ANAPC7: variants seen among roughly 807,000 people sequenced by gnomAD.
The protein encoded by ANAPC7 is anaphase-promoting complex subunit 7.
ANAPC7 carries 25 observed loss-of-function variants against 63.3 expected under a neutral mutation model. The ratio of observed to expected loss-of-function variants is 0.39; its 90% confidence interval spans 0.29 to 0.55. The LOEUF (loss-of-function observed/expected upper bound fraction) is 0.55, where lower values mean the gene tolerates loss of function less well. ANAPC7 is among the 20% of genes least tolerant of loss of function. The pLI is 0.57. For synonymous variants in ANAPC7, 241 were observed against 251.7 expected (o/e 0.96, Z 0.40); for missense variants, 516 against 691.7 (o/e 0.75, Z 2.85).
chr12:110,401,381 G>C (rs1301689459), intron 1 of ANAPC7, among the ~76,000 whole-genome samples: 1 of 152,162 alleles, frequency 6.6e-6, no homozygotes, highest in East Asian at 1.9e-4. Flanking sequence ...AAGCATGTGA[G>C]TGCTTATTGC....
At chr12:110,387,710 G>T in intron 5 of ANAPC7, 29 bp downstream of exon 5, 2 of 1,585,654 alleles carry the variant, frequency 1.3e-6, no homozygotes, top group Non-Finnish European at 8.6e-7. Context: ...AGGGCCTCAA[G>T]AACACTGAAT....
At chr12:110,395,245 T>C (rs1270297374) in intron 2 of ANAPC7, 25 bp from the exon 3 acceptor site, 14 of 1,597,026 alleles carry the variant, frequency 8.8e-6, no homozygotes, top group African/African-American at 1.3e-5. Context: ...AAATATTTCT[T>C]TGAAACGTTA....
intron 3 of ANAPC7, among the ~76,000 whole-genome samples, chr12:110,392,409 G>T (rs1883176820): frequency 6.6e-6 from 1 of 152,138 alleles, no homozygotes; most frequent in Non-Finnish European, 1.5e-5. Flanking sequence ...TACTTTTAAA[G>T]TTCAGCAAGA....
At chr12:110,396,993 G>A (rs1215245572) in intron 1 of ANAPC7, among the ~76,000 whole-genome samples, 2 of 146,042 alleles carry the variant, frequency 1.4e-5, no homozygotes, top group Non-Finnish European at 1.5e-5. Context: ...CTCGAGGTCA[G>A]GAGATCGAGA....
At chr12:110,375,981 G>A in intron 10 of ANAPC7, 85 bp downstream of exon 10, 1 of 1,464,456 alleles carries the variant, frequency 6.8e-7, no homozygotes, top group Non-Finnish European at 9.1e-7. Flanking sequence ...CAAAGTGTGT[G>A]TGTGTTTCCA....
At chr12:110,388,127 C>T (rs1882776509) in intron 4 of ANAPC7, among the ~76,000 whole-genome samples, 1 of 152,190 alleles carries the variant, frequency 6.6e-6, no homozygotes, top group Non-Finnish European at 1.5e-5. Flanking sequence ...ACCTCTGCCT[C>T]CTGGGTTCAA....
intron 8 of ANAPC7, chr12:110,377,914 G>A: frequency 2.2e-6 from 2 of 889,702 alleles, no homozygotes; most frequent in Non-Finnish European, 3.0e-6. Flanking sequence ...CTGACCACTG[G>A]AAGAATAAAT....
rs771233453 is a variant in ANAPC7, at chr12:110,388,494, G to A, written c.520+18C>T. 3.2e-6 allele frequency: 5 copies of A among 1,573,968 alleles called. No individual in the cohort carries two copies. The highest frequency in any genetic ancestry group is 1.3e-5 in the African/African-American group (1 of 74,090). ...TGACAGTAAACATGCCATGAAAACA[G>A]GCAGGAAATATCTCTACCTAGAATG... is the stretch of plus-strand genomic sequence containing the variant. On this transcript the variant is annotated intron_variant, in intron 4 of 10. Coordinates refer to ENST00000455511, the MANE Select transcript of ANAPC7 (RefSeq NM_016238.3).
intron 10 of ANAPC7, 98 bp from the exon 11 acceptor site, chr12:110,374,431 G>C: frequency 8.1e-7 from 1 of 1,241,854 alleles, no homozygotes. Context: ...TGACCACACA[G>C]TCCCAAAAAA....
At chr12:110,375,438 GACAC>G in intron 10 of ANAPC7, 3 of 985,352 alleles carry the variant, frequency 3.0e-6, no homozygotes, top group Non-Finnish European at 3.6e-6. Context: ...TAACCTTACA[GACAC>G]ACAGACAACC....
chr12:110,391,952 C>T (rs1295182119), intron 3 of ANAPC7, among the ~76,000 whole-genome samples: 1 of 151,978 alleles, frequency 6.6e-6, no homozygotes, highest in African/African-American at 2.4e-5. Context: ...AGTAGCTGGG[C>T]GTGGTGGCAC....
chr12:110,373,919 T>C lies in ANAPC7; in HGVS notation c.*225A>G, dbSNP rs957481195. 1 of 462,390 alleles carries C rather than the reference T, an allele frequency of 2.2e-6. No individual in the cohort carries two copies. The highest frequency in any genetic ancestry group is 3.7e-6 in the Non-Finnish European group (1 of 270,916). The allele number at this position is 462,390 out of a possible 1,614,324, so 28.6% of individuals were successfully genotyped here. Reference sequence around the variant, plus strand: ...CGTGGGTCTCGGGGCACTCCCTCAGTCCTCCCTGGCTGGAGCAGGGGAGGA... The same window carrying C: ...CGTGGGTCTCGGGGCACTCCCTCAGCCCTCCCTGGCTGGAGCAGGGGAGGA... On this transcript the variant is annotated 3_prime_UTR_variant, in exon 11 of 11. Transcript: ENST00000455511.
intron 3 of ANAPC7, among the ~76,000 whole-genome samples, chr12:110,392,724 T>C (rs2137971672): frequency 6.6e-6 from 1 of 152,336 alleles, no homozygotes; most frequent in South Asian, 2.1e-4. Context: ...AATTGGTAAC[T>C]TGCCCAAGTT....
chr12:110,397,819 C>T (rs1240725514), intron 1 of ANAPC7, among the ~76,000 whole-genome samples: 2 of 151,490 alleles, frequency 1.3e-5, no homozygotes, highest in African/African-American at 2.4e-5. Context: ...CGCTTGAACC[C>T]GGGAGGCAGA....
intron 6 of ANAPC7, among the ~76,000 whole-genome samples, chr12:110,384,516 T>A (rs1240090250): frequency 6.6e-6 from 1 of 151,102 alleles, no homozygotes; most frequent in Non-Finnish European, 1.5e-5. Flanking sequence ...TGAAACCCCA[T>A]CTCTACTAAA....
Position 110,387,732 on chromosome 12 carries a change from C to T in ANAPC7, c.674+7G>A, listed in dbSNP as rs1374020293. On this transcript the variant is annotated splice_region_variant and intron_variant, in intron 5 of 10. Coordinates refer to ENST00000455511, the MANE Select transcript of ANAPC7 (RefSeq NM_016238.3). ...CAAGAACACTGAATTAACTTTGTGGCTCTCACCAGATGGTACTGATTGCTC... is the reference window on the plus strand; with the variant it reads ...CAAGAACACTGAATTAACTTTGTGGTTCTCACCAGATGGTACTGATTGCTC... 3 of 1,599,104 alleles carry T rather than the reference C, an allele frequency of 1.9e-6. No homozygotes were observed. The highest frequency in any genetic ancestry group is 8.6e-7 in the Non-Finnish European group (1 of 1,168,202).
chr12:110,376,313 G>C, intron 9 of ANAPC7, 97 bp from the exon 10 acceptor site: 1 of 1,408,794 alleles, frequency 7.1e-7, no homozygotes, highest in East Asian at 2.3e-5. Flanking sequence ...AGAGAACACT[G>C]GTGCAACACA....
At chr12:110,374,395 G>T (rs987413438) in intron 10 of ANAPC7, 62 bp from the exon 11 acceptor site, 2 of 1,524,830 alleles carry the variant, frequency 1.3e-6, no homozygotes, top group African/African-American at 1.4e-5. Flanking sequence ...TGGCTGATTC[G>T]TCATCTCCCT....
intron 7 of ANAPC7, among the ~76,000 whole-genome samples, chr12:110,382,453 A>T (rs1334252239): frequency 3.9e-3 from 277 of 71,492 alleles, no homozygotes; most frequent in African/African-American, 0.01. Context: ...AAAAAAAAAA[A>T]AAAAAAAAAT....
Sources: gnomAD v4.1 joint callset for allele counts (sites outside exome capture counted in the v4.1 genomes callset) on GRCh38, gnomAD v4.1.1 for gene constraint, MANE v1.5 for transcripts, NCBI Gene and HGNC (gene_info 2026-07-23, HGNC 2026-07-21) for gene names.